Variants in PDHX observed in about 807,000 individuals in gnomAD.
PDHX encodes the protein pyruvate dehydrogenase protein X component, mitochondrial.
In PDHX, 33 loss-of-function variants were observed where a neutral mutation model predicts 55.3. The ratio of observed to expected loss-of-function variants is 0.60; its 90% CI spans 0.45 to 0.80. The LOEUF is 0.80. Among genes scored for constraint, PDHX ranks in the 30% least tolerant of loss-of-function variants. The pLI is 0.00. For missense variants in PDHX, 622 were observed against 619.9 expected (o/e 1.00, Z -0.04); for synonymous variants, 226 against 219.4 (o/e 1.03, Z -0.27).
intron 1 of PDHX, among the ~76,000 whole-genome samples, chr11:34,930,156 G>C (rs866107031): frequency 6.6e-6 from 1 of 152,208 alleles, no homozygotes; most frequent in Non-Finnish European, 1.5e-5. Flanking sequence ...TGGAGGAGCT[G>C]ATAGGAAACT....
intron 1 of PDHX, among the ~76,000 whole-genome samples, chr11:34,931,069 G>T (rs1457706962): frequency 6.6e-6 from 1 of 152,128 alleles, no homozygotes; most frequent in Non-Finnish European, 1.5e-5. Context: ...AAACAAAAGG[G>T]AAAGGAGGAG....
At chr11:34,981,227 A>G (rs1440463356) in intron 8 of PDHX, among the ~76,000 whole-genome samples, 1 of 151,564 alleles carries the variant, frequency 6.6e-6, no homozygotes, top group Non-Finnish European at 1.5e-5. Context: ...TTCAATTCCC[A>G]CCTATGAGTG....
intron 2 of PDHX, among the ~76,000 whole-genome samples, chr11:34,940,031 A>G (rs965319795): frequency 6.6e-6 from 1 of 152,198 alleles, no homozygotes; most frequent in African/African-American, 2.4e-5. Flanking sequence ...TGAACTGTCA[A>G]ATCTGTTAAA....
At position 34,921,413 on chromosome 11, in the gene PDHX, G is replaced by A. The variant is rs189184361; in HGVS notation, c.160+4598G>A. 9.7e-5 allele frequency among the ~76,000 whole-genome samples: 14 copies of A among 144,430 alleles called. No homozygotes were observed. The Admixed American group carries it at 9.9e-4, about 10-fold the overall frequency. 94.8% of individuals were successfully genotyped at this position (144,430 alleles called of 152,430 possible). A position where few individuals can be genotyped will look rare whatever the true frequency, so the allele number is the denominator to read the frequency against. On this transcript the variant is annotated intron_variant, in intron 1 of 10. Coordinates refer to ENST00000227868, the MANE Select transcript of PDHX (RefSeq NM_003477.3). ...TGTTTAAGTGCTCACCATCATTTCT[G>A]TAATCTCCTTTCAAATTCCTTGAAT...
chr11:34,925,398 G>A (rs1442437626), intron 1 of PDHX, among the ~76,000 whole-genome samples: 1 of 152,086 alleles, frequency 6.6e-6, no homozygotes, highest in African/African-American at 2.4e-5. Context: ...CAGCTTTCTA[G>A]GGTCTCTTTA....
intron 5 of PDHX, 39 bp from the exon 6 acceptor site, chr11:34,966,601 A>T (rs891509981): frequency 6.3e-6 from 10 of 1,594,798 alleles, no homozygotes; most frequent in Non-Finnish European, 6.0e-6. Context: ...TATATTCCTT[A>T]TTGCTAATTA....
intron 7 of PDHX, among the ~76,000 whole-genome samples, chr11:34,975,546 A>C (rs1438683211): frequency 6.6e-6 from 1 of 152,102 alleles, no homozygotes; most frequent in East Asian, 1.9e-4. Context: ...CTTGGTTAGC[A>C]TGGATTTTCC....
chr11:34,935,094 T>C (rs1854277943), intron 2 of PDHX, among the ~76,000 whole-genome samples: 1 of 152,080 alleles, frequency 6.6e-6, no homozygotes, highest in Non-Finnish European at 1.5e-5. Flanking sequence ...GGCAGTTGTA[T>C]AAGTGAGGTA....
chr11:34,959,092 T>C (rs1252858092), intron 4 of PDHX, among the ~76,000 whole-genome samples: 2 of 152,140 alleles, frequency 1.3e-5, no homozygotes, highest in African/African-American at 4.8e-5. Flanking sequence ...TAATCAGGCT[T>C]ATTTTCTTTA....
chr11:34,916,520 T>C, upstream of PDHX: 1 of 1,401,764 alleles, frequency 7.1e-7, no homozygotes, highest in Non-Finnish European at 9.3e-7. Context: ...GGGGCTGGGT[T>C]GGGGGGCGGG....
At chr11:34,940,927 C>T (rs745676685) in intron 2 of PDHX, among the ~76,000 whole-genome samples, 3 of 152,004 alleles carry the variant, frequency 2.0e-5, no homozygotes, top group East Asian at 1.9e-4. Flanking sequence ...CATCATTATG[C>T]GTTTTTACAT....
Position 34,916,630 on chromosome 11 carries a change from G to T in PDHX, c.-26G>T, listed in dbSNP as rs377596373. On this transcript the variant is annotated 5_prime_UTR_variant, in exon 1 of 11. Coordinates refer to ENST00000227868, the MANE Select transcript of PDHX (RefSeq NM_003477.3). ...GATGCTGGACATCAGGCTGTGCTGC[G>T]GGCAGCCAGTGAGAAGGCCGTCAAG... 4 of 1,603,284 alleles carry T rather than the reference G, an allele frequency of 2.5e-6. No homozygotes were observed. The highest frequency in any genetic ancestry group is 2.5e-6 in the Non-Finnish European group (3 of 1,179,672).
At chr11:34,935,719 C>T (rs1269232541) in intron 2 of PDHX, among the ~76,000 whole-genome samples, 2 of 152,196 alleles carry the variant, frequency 1.3e-5, no homozygotes, top group East Asian at 3.9e-4. Flanking sequence ...AATGAGTCCC[C>T]CACAGCCATT....
chr11:34,928,466 CTT>C (rs1206099542), intron 1 of PDHX, among the ~76,000 whole-genome samples: 3 of 139,990 alleles, frequency 2.1e-5, no homozygotes, highest in Non-Finnish European at 1.6e-5. Context: ...CACCCCCCTC[CTT>C]TTTTTTTTTT....
At chr11:34,929,873 A>G (rs922819943) in intron 1 of PDHX, among the ~76,000 whole-genome samples, 8 of 152,108 alleles carry the variant, frequency 5.3e-5, no homozygotes, top group African/African-American at 1.9e-4. Context: ...GAGAGAGAGA[A>G]AGGGTAAGAC....
intron 2 of PDHX, among the ~76,000 whole-genome samples, chr11:34,933,888 A>C (rs886673215): frequency 6.6e-6 from 1 of 152,120 alleles, no homozygotes; most frequent in Non-Finnish European, 1.5e-5. Context: ...CAATACATTA[A>C]ATATATTTGA....
chr11:34,930,493 A>C (rs1720169846), intron 1 of PDHX, among the ~76,000 whole-genome samples: 1 of 152,220 alleles, frequency 6.6e-6, no homozygotes, highest in Admixed American at 6.5e-5. Flanking sequence ...TATGTTAGCT[A>C]TGCTACAGTG....
At chr11:34,947,412 T>G (rs1854646737) in intron 2 of PDHX, 94 bp from the exon 3 acceptor site, 1 of 828,736 alleles carries the variant, frequency 1.2e-6, no homozygotes, top group Admixed American at 2.0e-5. Context: ...CTACGGAATA[T>G]TTTGGTATTT....
At chr11:34,921,289 C>G (rs11032927) in intron 1 of PDHX, among the ~76,000 whole-genome samples, 28,796 of 152,050 alleles carry the variant, frequency 0.19, 3,893 homozygotes, top group African/African-American at 0.39. Context: ...TACAGACTTG[C>G]AATTATCAAT....
Sources: gnomAD v4.1 joint callset for allele counts (sites outside exome capture counted in the v4.1 genomes callset) on GRCh38, gnomAD v4.1.1 for gene constraint, MANE v1.5 for transcripts, NCBI Gene and HGNC (gene_info 2026-07-23, HGNC 2026-07-21) for gene names.